Variants in PLXNA4 observed in about 807,000 individuals in gnomAD.
PLXNA4 encodes plexin A4.
Under a neutral mutation model 191.8 loss-of-function variants are expected in PLXNA4, and 44 were observed. The ratio of observed to expected loss-of-function variants is 0.23; its 90% CI spans 0.18 to 0.29. The LOEUF (loss-of-function observed/expected upper bound fraction) is 0.29. Among genes scored for constraint, PLXNA4 ranks in the 10% least tolerant of loss-of-function variants. PLXNA4 has a pLI of 1.00. For missense variants in PLXNA4, 1,800 were observed against 2,488.8 expected (o/e 0.72, Z 5.89); for synonymous variants, 1,082 against 1,009.5 (o/e 1.07, Z -1.36).
intron 14 of PLXNA4, among the ~76,000 whole-genome samples, chr7:132,190,857 C>T (rs563332383): frequency 5.9e-5 from 9 of 152,256 alleles, no homozygotes; most frequent in East Asian, 3.9e-4. Flanking sequence ...ACTGGTTTGA[C>T]GAGGAGCAGG....
chr7:132,226,164 T>C lies in PLXNA4; in HGVS notation c.1979A>G (p.Asn660Ser). The change falls in exon 8 of 32, where the codon AAT (asparagine) becomes AGT (serine). Residue 660 changes from asparagine (N) to serine (S), a missense_variant. Asn to Ser is a conservative substitution (Grantham distance 46). Around this residue, in one of 6 missense-constraint regions of PLXNA4, gnomAD observed 1,397 missense variants for 1,880.4 expected, o/e 0.74. Coordinates refer to ENST00000321063, the MANE Select transcript of PLXNA4 (RefSeq NM_020911.2). ...SFVFYNCSVH[N>S]SCLSCVESPY... ...GGGTAAGGCTGGGGCCACTTACGAA[T>C]TGTGGACGCTGCAATTGTAGAAGAC... The C allele has an allele frequency of 6.2e-7, 1 of 1,613,468 alleles. No individual in the cohort carries two copies. The highest frequency in any genetic ancestry group is 1.3e-5 in the African/African-American group (1 of 75,048).
intron 20 of PLXNA4, among the ~76,000 whole-genome samples, chr7:132,178,578 G>A (rs1184490468): frequency 6.6e-6 from 1 of 152,202 alleles, no homozygotes; most frequent in Non-Finnish European, 1.5e-5. Context: ...TTGGGTATGG[G>A]TGTGGTCTGG....
chr7:132,140,887 G>A, intron 29 of PLXNA4, 76 bp from the exon 30 acceptor site: 1 of 1,561,960 alleles, frequency 6.4e-7, no homozygotes, highest in Non-Finnish European at 8.6e-7. Flanking sequence ...GGGGTCTCTG[G>A]AGAAGGAGAG....
intron 3 of PLXNA4, among the ~76,000 whole-genome samples, chr7:132,487,237 T>C (rs979173996): frequency 2.6e-5 from 4 of 152,154 alleles, no homozygotes; most frequent in Non-Finnish European, 4.4e-5. Flanking sequence ...TGCCAGCTAG[T>C]AAATGGTCCT....
intron 24 of PLXNA4, 55 bp downstream of exon 24, chr7:132,164,087 C>T: frequency 6.2e-7 from 1 of 1,608,470 alleles, no homozygotes; most frequent in South Asian, 1.1e-5. Context: ...GCAGGGCTAC[C>T]CAGGATGGAA....
intron 2 of PLXNA4, among the ~76,000 whole-genome samples, chr7:132,643,594 C>A (rs73726403): frequency 0.088 from 13,359 of 152,154 alleles, 987 homozygotes; most frequent in East Asian, 0.35. Context: ...GGTTTCCAAA[C>A]TGAGGGTTCA....
At chr7:132,607,800 C>CATCACT (rs1267464676) in intron 2 of PLXNA4, among the ~76,000 whole-genome samples, 1 of 152,098 alleles carries the variant, frequency 6.6e-6, no homozygotes, top group African/African-American at 2.4e-5. Flanking sequence ...TCATCATCAT[C>CATCACT]ATCACTATCA....
At chr7:132,432,217 C>T (rs1041849024) in intron 3 of PLXNA4, among the ~76,000 whole-genome samples, 11 of 152,192 alleles carry the variant, frequency 7.2e-5, no homozygotes, top group African/African-American at 2.7e-4. Flanking sequence ...ACCAGTCACT[C>T]GTGGCATTCT....
chr7:132,647,902 C>T (rs557249665), intron 1 of PLXNA4, among the ~76,000 whole-genome samples: 3 of 151,792 alleles, frequency 2.0e-5, no homozygotes, highest in Non-Finnish European at 2.9e-5. Flanking sequence ...TATATACTCA[C>T]GAACACACAC....
At chr7:132,352,730 C>T (rs34043170) in intron 3 of PLXNA4, among the ~76,000 whole-genome samples, 2,205 of 152,286 alleles carry the variant, frequency 0.014, 28 homozygotes, top group Non-Finnish European at 0.023. Context: ...AATAGGAACA[C>T]GCTTTCCTTC....
chr7:132,347,868 G>A (rs73158806), intron 3 of PLXNA4, among the ~76,000 whole-genome samples: 5,958 of 152,132 alleles, frequency 0.039, 159 homozygotes, highest in Middle Eastern at 0.075. Context: ...TTGCTCTTTC[G>A]GGCACTTTCA....
intron 3 of PLXNA4, among the ~76,000 whole-genome samples, chr7:132,425,695 AGAG>A (rs144619357): frequency 0.012 from 1,887 of 152,328 alleles, 26 homozygotes; most frequent in Middle Eastern, 0.031. Context: ...GGACAAAGAG[AGAG>A]GAGAAGGACA....
At chr7:132,131,220 A>T (rs2671102) in intron 31 of PLXNA4, among the ~76,000 whole-genome samples, 133,434 of 152,176 alleles carry the variant, frequency 0.88, 58,554 homozygotes, top group East Asian at 0.95. Flanking sequence ...CAGCCAGCAA[A>T]TGTGGCCCAT....
At chr7:132,220,681 A>G (rs1798113402) in intron 9 of PLXNA4, among the ~76,000 whole-genome samples, 1 of 151,986 alleles carries the variant, frequency 6.6e-6, no homozygotes, top group African/African-American at 2.4e-5. Flanking sequence ...GTGAATCCCC[A>G]GCAGTCTTTG....
chr7:132,274,532 C>T (rs1329650734), intron 4 of PLXNA4, among the ~76,000 whole-genome samples: 1 of 151,954 alleles, frequency 6.6e-6, no homozygotes, highest in Non-Finnish European at 1.5e-5. Context: ...TTCCAGGGTC[C>T]CCCATTCCAT....
intron 13 of PLXNA4, 32 bp downstream of exon 13, chr7:132,198,453 G>C (rs1797322594): frequency 1.9e-6 from 3 of 1,607,822 alleles, no homozygotes; most frequent in Non-Finnish European, 2.6e-6. Flanking sequence ...TCCCTCCCCT[G>C]TTCCTCCTGT....
intron 2 of PLXNA4, among the ~76,000 whole-genome samples, chr7:132,639,596 C>CT (rs1180662795): frequency 6.6e-6 from 1 of 152,220 alleles, no homozygotes; most frequent in African/African-American, 2.4e-5. Context: ...GGCTTTACCT[C>CT]TGCGTTGAGT....
intron 3 of PLXNA4, among the ~76,000 whole-genome samples, chr7:132,421,850 C>T (rs905622836): frequency 2.4e-4 from 37 of 152,140 alleles, no homozygotes; most frequent in African/African-American, 8.0e-4. Flanking sequence ...CCAAGAGTAT[C>T]GCAGTGGGAA....
intron 3 of PLXNA4, among the ~76,000 whole-genome samples, chr7:132,450,121 A>T (rs1346903588): frequency 6.6e-6 from 1 of 152,184 alleles, no homozygotes; most frequent in Non-Finnish European, 1.5e-5. Flanking sequence ...GAGCACACTG[A>T]TATCCACAGA....
Sources: allele counts gnomAD v4.1 joint callset (sites outside exome capture counted in the v4.1 genomes callset), GRCh38; gene constraint gnomAD v4.1.1; regional missense constraint gnomAD v4.1.1; transcripts MANE v1.5; gene names NCBI Gene and HGNC (gene_info 2026-07-23, HGNC 2026-07-21).